DMTN: variants seen among roughly 807,000 people sequenced by gnomAD.
DMTN encodes the protein dematin actin binding protein.
Under a neutral mutation model 59.4 loss-of-function variants are expected in DMTN, and 27 were observed. The ratio of observed to expected loss-of-function variants is 0.45; its 90% confidence interval spans 0.33 to 0.63. The LOEUF (loss-of-function observed/expected upper bound fraction) is 0.63. DMTN is among the 20% of genes least tolerant of loss of function. DMTN has a pLI of 0.02. For missense variants in DMTN, 451 were observed against 528.9 expected (o/e 0.85, Z 1.45); for synonymous variants, 221 against 203.7 (o/e 1.08, Z -0.72).
intron 8 of DMTN, among the ~76,000 whole-genome samples, chr8:22,072,111 A>G (rs976387089): frequency 3.3e-5 from 5 of 152,094 alleles, no homozygotes; most frequent in Admixed American, 6.6e-5. Context: ...GCTGTTCTCA[A>G]ATTCCTGGGC....
At position 22,060,182 on chromosome 8, in the gene DMTN, G is replaced by A. The variant is rs933550928; in HGVS notation, c.-172+3046G>A. On this transcript the variant is annotated intron_variant, in intron 1 of 15. Transcript: ENST00000358242. The surrounding 1 kb of genome is among the most constrained non-coding windows in gnomAD (Gnocchi z 5.0). ...CCCTCCCCTCTTCCTGCTGCAGCTCGCCCTTTCTATCTCTTTGTGCACGGA... is the reference window on the plus strand; with the variant it reads ...CCCTCCCCTCTTCCTGCTGCAGCTCACCCTTTCTATCTCTTTGTGCACGGA... 2.6e-5 allele frequency among the ~76,000 whole-genome samples: 4 copies of A among 152,090 alleles called. No individual in the cohort carries two copies. The highest frequency in any genetic ancestry group is 6.6e-5 in the Admixed American group (1 of 15,258).
Position 22,056,848 on chromosome 8 carries a change from GGCC to G in DMTN, c.-458_-456del, listed in dbSNP as rs1463996868. On this transcript the variant is annotated 5_prime_UTR_variant, in exon 1 of 16. Coordinates refer to ENST00000358242, the MANE Select transcript of DMTN (RefSeq NM_001387751.1). ...CTCCCCAGCACCGGGGGATCCAGGCGGCCGTGCGTTGCAGAGAAGCAGGGTGGG... is the reference window on the plus strand; with the variant it reads ...CTCCCCAGCACCGGGGGATCCAGGCGGTGCGTTGCAGAGAAGCAGGGTGGG... 4.9e-5 allele frequency: 7 copies of G among 144,160 alleles called. No individual in the cohort carries two copies. The highest frequency in any genetic ancestry group is 4.8e-4 in the Admixed American group (7 of 14,516). 8.9% of individuals were successfully genotyped at this position (144,160 alleles called of 1,614,324 possible).
In DMTN at chr8:22,081,531, G is replaced by C. The variant is rs1824295622; in HGVS notation, c.*68G>C. The C allele has an allele frequency of 3.6e-6, 5 of 1,405,956 alleles. No homozygotes were observed. The South Asian group carries it at 5.8e-5, about 16-fold the overall frequency. 87.1% of individuals were successfully genotyped at this position (1,405,956 alleles called of 1,614,324 possible). A position where few individuals can be genotyped will look rare whatever the true frequency, so the allele number is the denominator to read the frequency against. On this transcript the variant is annotated 3_prime_UTR_variant, in exon 16 of 16. Coordinates refer to ENST00000358242, the MANE Select transcript of DMTN (RefSeq NM_001387751.1). ...TTCAGGGTTTTTCCCCGGCGGGTTG[G>C]GAGGGGCAGGAGGTGGGGTGGAAAT... is the stretch of plus-strand genomic sequence containing the variant.
In DMTN at chr8:22,082,251, T is replaced by A. The variant is rs1490600064; in HGVS notation, c.*788T>A. 8.8e-6 allele frequency: 4 copies of A among 456,704 alleles called. No individual in the cohort carries two copies. Among genetic ancestry groups the A allele is most frequent in the Non-Finnish European group, 1.8e-5 (4 of 226,992 alleles). 28.3% of individuals were successfully genotyped at this position (456,704 alleles called of 1,614,324 possible). ...TTTGGAGTGTCCTGGCTACCAGCTC[T>A]CACCTACACCCACGCACCCCCCCAC... On this transcript the variant is annotated 3_prime_UTR_variant, in exon 16 of 16. Coordinates refer to ENST00000358242, the MANE Select transcript of DMTN (RefSeq NM_001387751.1).
chr8:22,064,151 AGGAT>A lies in DMTN; in HGVS notation c.-171-2537_-171-2534del, dbSNP rs372218606. Among the ~76,000 whole-genome samples the A allele has an allele frequency of 1.5e-3, 221 of 151,966 alleles. 2 individuals carry two copies. Among genetic ancestry groups the A allele is most frequent in the African/African-American group, 4.8e-3 (200 of 41,444 alleles). On this transcript the variant is annotated intron_variant, in intron 1 of 15. Transcript: ENST00000358242. ...ATGCAGGAATGGATGGATGGATAGA[AGGAT>A]GGATGGATGGATGGATAGATGAATG...
In DMTN at chr8:22,060,627, A is replaced by C. The variant is rs1805675943; in HGVS notation, c.-172+3491A>C. Among the ~76,000 whole-genome samples the C allele has an allele frequency of 6.6e-6, 1 of 152,378 alleles. No homozygotes were observed. The highest frequency in any genetic ancestry group is 2.4e-5 in the African/African-American group (1 of 41,598). On this transcript the variant is annotated intron_variant, in intron 1 of 15. Transcript: ENST00000358242. The surrounding 1 kb of genome is among the most constrained non-coding windows in gnomAD (Gnocchi z 5.0). ...CCTCTGTGGAAATAATTTATCAACCAACATGCTCTCTAACAAATGGCAGGG... is the reference window on the plus strand; with the variant it reads ...CCTCTGTGGAAATAATTTATCAACCCACATGCTCTCTAACAAATGGCAGGG...
At chr8:22,072,824 G>A (rs997648013) in intron 9 of DMTN, among the ~76,000 whole-genome samples, 3 of 151,964 alleles carry the variant, frequency 2.0e-5, no homozygotes, top group Non-Finnish European at 2.9e-5. Flanking sequence ...GTAGCTAGTC[G>A]AAGGGGTTCC....
Position 22,072,190 on chromosome 8 carries a change from A to G in DMTN, c.605-136A>G, listed in dbSNP as rs143334031. The G allele has an allele frequency of 5.7e-4, 659 of 1,152,592 alleles. 3 individuals carry two copies. In the African/African-American group the frequency reaches 8.0e-3, roughly 14 times the overall value. The allele number at this position is 1,152,592 out of a possible 1,614,324, so 71.4% of individuals were successfully genotyped here. ...CAGGCATGAGTCATCTACCGACCCT[A>G]CTTTATTTTTTAAAAAAATTTTGTA... On this transcript the variant is annotated intron_variant, in intron 8 of 15. Coordinates refer to ENST00000358242, the MANE Select transcript of DMTN (RefSeq NM_001387751.1).
chr8:22,067,659 G>C lies in DMTN; in HGVS notation c.226G>C (p.Val76Leu). ...PHFTYSLLEH[V>L]ELPRSRERSL... ...CTTCACTTATTCCCTCCTGGAACAC[G>C]TGGAGCTGCCTCGCAGCCGCGAGGT... Residue 76 changes from valine to leucine, a missense_variant, in exon 4 of 16, where the codon GTG becomes CTG. Physicochemically the swap from Val to Leu is conservative, Grantham distance 32. Transcript: ENST00000358242. 1 of 1,614,030 alleles carries C rather than the reference G, an allele frequency of 6.2e-7. No individual in the cohort carries two copies. The highest frequency in any genetic ancestry group is 8.5e-7 in the Non-Finnish European group (1 of 1,180,030).
At chr8:22,078,989 G>A (rs190676293) in intron 10 of DMTN, among the ~76,000 whole-genome samples, 505 of 151,358 alleles carry the variant, frequency 3.3e-3, no homozygotes, top group African/African-American at 0.012. Context: ...TAGTCGAGAC[G>A]GGGTTTCACC....
At chr8:22,072,777 C>G (rs1253722916) in intron 9 of DMTN, among the ~76,000 whole-genome samples, 1 of 152,020 alleles carries the variant, frequency 6.6e-6, no homozygotes, top group Admixed American at 6.6e-5. Context: ...GCCCAGCCCA[C>G]CCTGTGTGTC....
intron 10 of DMTN, among the ~76,000 whole-genome samples, chr8:22,075,512 C>G (rs183420039): frequency 0.051 from 3,678 of 72,554 alleles, 52 homozygotes; most frequent in Middle Eastern, 0.074. Flanking sequence ...CCATGCCCAG[C>G]TAAATTTTTT....
rs1180466614 is a variant in DMTN, at chr8:22,079,277, A to AATAT, written c.836-882_836-879dup. ...ATAAAAATAAATAAATAAATAAATA[A>AATAT]ATATATATATATATATATATATATT... On this transcript the variant is annotated intron_variant, in intron 10 of 15. Coordinates refer to ENST00000358242, the MANE Select transcript of DMTN (RefSeq NM_001387751.1). Among the ~76,000 whole-genome samples, 12 of 27,672 alleles carry AATAT rather than the reference A, an allele frequency of 4.3e-4. 1 individual carries two copies. The highest frequency in any genetic ancestry group is 1.4e-3 in the African/African-American group (12 of 8,286). The allele number at this position is 27,672 out of a possible 152,430, so 18.2% of individuals were successfully genotyped here.
chr8:22,081,820 A>AG lies in DMTN; in HGVS notation c.*357_*358insG, dbSNP rs1824409648. On this transcript the variant is annotated 3_prime_UTR_variant, in exon 16 of 16. Coordinates refer to ENST00000358242, the MANE Select transcript of DMTN (RefSeq NM_001387751.1). Reference sequence around the variant, plus strand: ...TTGGCTGTCTTGAACAGCTGGAGGGAAGATGCAGGGGTGGGAAGCGGCCAG... The same window carrying AG: ...TTGGCTGTCTTGAACAGCTGGAGGGAGAGATGCAGGGGTGGGAAGCGGCCAG... 2.1e-6 allele frequency: 1 copy of AG among 481,656 alleles called. No homozygotes were observed. The highest frequency in any genetic ancestry group is 2.0e-5 in the African/African-American group (1 of 51,166). 29.8% of individuals were successfully genotyped at this position (481,656 alleles called of 1,614,324 possible).
At chr8:22,054,547 C>T (rs367630801), upstream of DMTN, among the ~76,000 whole-genome samples, 1 of 133,330 alleles carries the variant, frequency 7.5e-6, no homozygotes, top group East Asian at 2.2e-4. Context: ...ACTGTCCCTG[C>T]CTTGCTGCCT....
chr8:22,054,463 C>T (rs1032101509), upstream of DMTN, among the ~76,000 whole-genome samples: 2 of 152,130 alleles, frequency 1.3e-5, no homozygotes, highest in Non-Finnish European at 2.9e-5. Context: ...CCCGCAGCCG[C>T]GTGCCCAGTG....
chr8:22,068,586 A>G (rs761587107), intron 4 of DMTN, among the ~76,000 whole-genome samples: 16 of 152,146 alleles, frequency 1.1e-4, no homozygotes, highest in Non-Finnish European at 2.2e-4. Flanking sequence ...AGAGAGGGAT[A>G]GAGGAGAAAG....
chr8:22,073,592 C>T (rs1817357868), intron 9 of DMTN, 138 bp from the exon 10 acceptor site: 1 of 652,756 alleles, frequency 1.5e-6, no homozygotes, highest in African/African-American at 2.0e-5. Flanking sequence ...GTTTGTGCCA[C>T]TGAACTCCAG....
chr8:22,050,540 C>T (rs1801241385), upstream of DMTN, among the ~76,000 whole-genome samples: 1 of 152,132 alleles, frequency 6.6e-6, no homozygotes. Flanking sequence ...CCCTCCCTCC[C>T]TCTCTTTGAC....
Sources: gnomAD v4.1 joint callset for allele counts (sites outside exome capture counted in the v4.1 genomes callset) on GRCh38, gnomAD v4.1.1 for gene constraint, Gnocchi (gnomAD v3.1) non-coding constraint, MANE v1.5 for transcripts, NCBI Gene and HGNC (gene_info 2026-07-23, HGNC 2026-07-21) for gene names.